Variants in RIF1 observed in about 807,000 individuals in gnomAD.
RIF1 encodes telomere-associated protein RIF1.
A neutral mutation model predicts 247.1 loss-of-function variants in RIF1; 45 were observed. That is an observed-to-expected ratio of 0.18 (90% CI 0.14 to 0.23). The LOEUF (loss-of-function observed/expected upper bound fraction) is 0.23, where lower values mean the gene tolerates loss of function less well. Among genes scored for constraint, RIF1 ranks in the 10% least tolerant of loss-of-function variants. RIF1 has a pLI of 1.00. For synonymous variants in RIF1, 1,087 were observed against 978.8 expected (o/e 1.11, Z -2.06); for missense variants, 2,967 against 2,862.5 (o/e 1.04, Z -0.83).
At chr2:151,515,004 A>T in the RIF1 span, 14 of 912,738 alleles carry the variant, frequency 1.5e-5, no homozygotes, top group Non-Finnish European at 2.4e-5. Flanking sequence ...CAGGAAGAAA[A>T]AAAAAACAGC....
chr2:151,518,181 CA>C, the RIF1 span: 5 of 706,332 alleles, frequency 7.1e-6, no homozygotes, highest in African/African-American at 8.8e-5. Context: ...GAATTTGTTT[CA>C]AAAAGTTACC....
At chr2:151,467,623 G>A (rs1041987492) in intron 30 of RIF1, among the ~76,000 whole-genome samples, 1 of 152,134 alleles carries the variant, frequency 6.6e-6, no homozygotes, top group African/African-American at 2.4e-5. Flanking sequence ...GATTACAGGT[G>A]CGAGCCACTG....
Position 151,499,388 on chromosome 2 carries a change from C to T in RIF1, c.*557C>T, listed in dbSNP as rs2062732152. On this transcript the variant is annotated 3_prime_UTR_variant and NMD_transcript_variant, in exon 11 of 14. Coordinates refer to the RIF1 transcript ENST00000454583. ...CTTTTCCAACGTTTTCTTTATACAA[C>T]ACCTGTATGACACAAGAAAGCATCC... 6.6e-7 allele frequency: 1 copy of T among 1,518,030 alleles called. No homozygotes were observed. The highest frequency in any genetic ancestry group is 1.7e-4 in the Middle Eastern group (1 of 5,922). The allele number at this position is 1,518,030 out of a possible 1,614,324, so 94.0% of individuals were successfully genotyped here. A position where few individuals can be genotyped will look rare whatever the true frequency, so the allele number is the denominator to read the frequency against.
rs2056759651 is a variant in RIF1, at chr2:151,491,673, G to C, written c.*416-3556G>C. On this transcript the variant is annotated intron_variant and NMD_transcript_variant, in intron 9 of 13. Coordinates refer to the RIF1 transcript ENST00000454583. ...ATGTTTATGTTGTAAGCCTTTTTCAGCTAACACACCATTAATCATGTGTAA... is the reference window on the plus strand; with the variant it reads ...ATGTTTATGTTGTAAGCCTTTTTCACCTAACACACCATTAATCATGTGTAA... The C allele has an allele frequency of 6.4e-7, 1 of 1,570,178 alleles. No homozygotes were observed.
chr2:151,492,727 G>A, intron 9 of RIF1: 1 of 343,106 alleles, frequency 2.9e-6, no homozygotes, highest in Non-Finnish European at 5.3e-6. Flanking sequence ...TTTCAAAGAA[G>A]GGGCACGGTA....
chr2:151,517,121 A>AGGCT, the RIF1 span, among the ~76,000 whole-genome samples: 1 of 152,208 alleles, frequency 6.6e-6, no homozygotes, highest in Admixed American at 6.5e-5. Context: ...AATGAAAACT[A>AGGCT]GTTTACATAT....
intron 15 of RIF1, among the ~76,000 whole-genome samples, 153 bp from the exon 16 acceptor site, chr2:151,441,748 GTGAA>G (rs1274039022): frequency 1.3e-5 from 2 of 152,152 alleles, no homozygotes; most frequent in African/African-American, 2.4e-5. Context: ...ATTCATGTTA[GTGAA>G]TGAATGTATT....
chr2:151,434,178 AAAAAG>A (rs903643627), intron 10 of RIF1, among the ~76,000 whole-genome samples: 16 of 151,684 alleles, frequency 1.1e-4, no homozygotes, highest in Admixed American at 8.5e-4. Context: ...AAAAAAAAAA[AAAAAG>A]AGAGAAATCA....
At chr2:151,443,835 T>C in intron 18 of RIF1, 126 bp downstream of exon 18, 1 of 555,904 alleles carries the variant, frequency 1.8e-6, no homozygotes, top group Non-Finnish European at 2.9e-6. Flanking sequence ...GTGGAATTGG[T>C]AAACGTTGTA....
chr2:151,514,423 C>T, the RIF1 span: 2 of 1,604,700 alleles, frequency 1.2e-6, no homozygotes, highest in Non-Finnish European at 1.7e-6. Context: ...CTTTCCTGTA[C>T]TCTTTCTATA....
rs2152553980 is a variant in RIF1, at chr2:151,475,412, A to T, written c.*341A>T. 4.3e-6 allele frequency: 1 copy of T among 232,764 alleles called. No individual in the cohort carries two copies. The highest frequency in any genetic ancestry group is 8.5e-6 in the Non-Finnish European group (1 of 118,272). The allele number at this position is 232,764 out of a possible 1,614,324, so 14.4% of individuals were successfully genotyped here. A position where few individuals can be genotyped will look rare whatever the true frequency, so the allele number is the denominator to read the frequency against. On this transcript the variant is annotated 3_prime_UTR_variant, in exon 36 of 36. Coordinates refer to ENST00000444746, the MANE Select transcript of RIF1 (RefSeq NM_018151.5). ...CATATTCTGGTGAAACATGTAAAAT[A>T]CTTTAAGTAAAATTGAACATTTTTA...
chr2:151,444,929 G>C (rs936767099), intron 18 of RIF1, among the ~76,000 whole-genome samples: 1 of 152,186 alleles, frequency 6.6e-6, no homozygotes, highest in Non-Finnish European at 1.5e-5. Context: ...GGAGTTGGTA[G>C]GATTGGTTTC....
At chr2:151,527,557 T>G in the RIF1 span, 1 of 1,613,112 alleles carries the variant, frequency 6.2e-7, no homozygotes, top group Non-Finnish European at 8.5e-7. Flanking sequence ...GTGGGCTTTG[T>G]TGGCTTCGTA....
At chr2:151,505,409 A>G (rs775095372) in intron 12 of RIF1, 39 of 1,294,856 alleles carry the variant, frequency 3.0e-5, no homozygotes, top group Non-Finnish European at 4.2e-5. Flanking sequence ...CAGAAAGATG[A>G]GAGAGCACCA....
At chr2:151,429,316 G>C (rs1689649796) in intron 9 of RIF1, among the ~76,000 whole-genome samples, 1 of 152,134 alleles carries the variant, frequency 6.6e-6, no homozygotes, top group South Asian at 2.1e-4. Context: ...GAGTAGCTGG[G>C]ATTACAGGTG....
chr2:151,453,023 G>A (rs144794115), intron 21 of RIF1, among the ~76,000 whole-genome samples: 73 of 152,248 alleles, frequency 4.8e-4, no homozygotes, highest in Non-Finnish European at 8.8e-4. Flanking sequence ...GTTATTATCA[G>A]GATCACCTTG....
At chr2:151,517,604 A>G in the RIF1 span, among the ~76,000 whole-genome samples, 1 of 152,210 alleles carries the variant, frequency 6.6e-6, no homozygotes, top group African/African-American at 2.4e-5. Flanking sequence ...GTACACTTAC[A>G]CAAACCTAGA....
At chr2:151,501,634 T>G (rs1004341809) in intron 11 of RIF1, among the ~76,000 whole-genome samples, 2 of 152,150 alleles carry the variant, frequency 1.3e-5, no homozygotes, top group East Asian at 1.9e-4. Flanking sequence ...TAACTATAGA[T>G]CCCCTTTGGA....
downstream of RIF1, among the ~76,000 whole-genome samples, chr2:151,509,629 T>G (rs141919540): frequency 1.6e-4 from 24 of 152,094 alleles, no homozygotes; most frequent in African/African-American, 3.9e-4. Flanking sequence ...TTTTTGTTTG[T>G]TTGGTTTTTT....
Sources: allele counts gnomAD v4.1 joint callset (sites outside exome capture counted in the v4.1 genomes callset), GRCh38; gene constraint gnomAD v4.1.1; transcripts MANE v1.5; gene names NCBI Gene and HGNC (gene_info 2026-07-23, HGNC 2026-07-21).